Variants in ELP3 observed in about 807,000 individuals in gnomAD.
The protein encoded by ELP3 is elongator complex protein 3.
In ELP3, 56 loss-of-function variants were observed where a neutral mutation model predicts 74.9. That is an observed-to-expected ratio of 0.75 (90% CI 0.60 to 0.93). The LOEUF is 0.93. Among genes scored for constraint, ELP3 ranks in the 40% least tolerant of loss-of-function variants. ELP3 has a pLI of 0.00. For synonymous variants in ELP3, 222 were observed against 239.8 expected (o/e 0.93, Z 0.68); for missense variants, 573 against 686.5 (o/e 0.83, Z 1.85).
chr8:28,128,369 G>A (rs918638899), intron 7 of ELP3, among the ~76,000 whole-genome samples: 7 of 152,064 alleles, frequency 4.6e-5, no homozygotes, highest in Non-Finnish European at 8.8e-5. Flanking sequence ...CTAGCTACTC[G>A]GGAGGCTGAA....
At chr8:28,093,904 C>T (rs1699489101) in intron 1 of ELP3, among the ~76,000 whole-genome samples, 1 of 152,170 alleles carries the variant, frequency 6.6e-6, no homozygotes, top group African/African-American at 2.4e-5. Flanking sequence ...TTCCATTTTA[C>T]AGATGAAGAA....
chr8:28,132,828 G>A (rs991086438), intron 9 of ELP3, among the ~76,000 whole-genome samples: 2 of 152,044 alleles, frequency 1.3e-5, no homozygotes, highest in East Asian at 1.9e-4. Flanking sequence ...ACCCTTGCAA[G>A]TTTTTCAGAA....
At chr8:28,125,759 C>CTTTTTTTTTTTTTTTTTT (rs755484214) in intron 7 of ELP3, among the ~76,000 whole-genome samples, 6 of 92,180 alleles carry the variant, frequency 6.5e-5, no homozygotes, top group Non-Finnish European at 1.0e-4. Flanking sequence ...AGTCATTTCT[C>CTTTTTTTTTTTTTTTTTT]TTTTTTTTTT....
At chr8:28,115,902 T>TG (rs1812111798) in intron 7 of ELP3, among the ~76,000 whole-genome samples, 1 of 152,192 alleles carries the variant, frequency 6.6e-6, no homozygotes, top group African/African-American at 2.4e-5. Context: ...CTCTTTTATA[T>TG]GGGGTGAGGG....
intron 6 of ELP3, 29 bp downstream of exon 6, chr8:28,110,467 A>C (rs763090793): frequency 6.4e-7 from 1 of 1,566,306 alleles, no homozygotes; most frequent in African/African-American, 1.4e-5. Flanking sequence ...TGTTTCTTAA[A>C]AATTAGGTGT....
chr8:28,147,012 G>T lies in ELP3; in HGVS notation c.1101-8930G>T, dbSNP rs1238108973. ...GACCCATGCAGTCTCATAGGGTCTT[G>T]CACTTGGCTTAATATTCTGCTGTCA... On this transcript the variant is annotated intron_variant, in intron 10 of 14. Transcript: ENST00000256398. This position sits in a 1 kb window ranked among gnomAD's most constrained non-coding sequence, Gnocchi z 4.5. 6.6e-6 allele frequency among the ~76,000 whole-genome samples: 1 copy of T among 152,128 alleles called. No individual in the cohort carries two copies. The highest frequency in any genetic ancestry group is 1.5e-5 in the Non-Finnish European group (1 of 68,028).
chr8:28,151,145 C>A (rs181155899), intron 10 of ELP3, among the ~76,000 whole-genome samples: 116 of 152,286 alleles, frequency 7.6e-4, no homozygotes, highest in African/African-American at 2.7e-3. Context: ...TCTTTGTTGT[C>A]TTTGCTTTTC....
intron 7 of ELP3, among the ~76,000 whole-genome samples, chr8:28,123,133 GA>G (rs1812438973): frequency 6.6e-6 from 1 of 152,046 alleles, no homozygotes; most frequent in African/African-American, 2.4e-5. Flanking sequence ...CAAAAAAAGA[GA>G]AAAAAAGCTT....
At chr8:28,132,241 GT>G in intron 8 of ELP3, 36 bp from the exon 9 acceptor site, 2 of 1,611,624 alleles carry the variant, frequency 1.2e-6, no homozygotes, top group Non-Finnish European at 1.7e-6. Flanking sequence ...ACACAAATAG[GT>G]AGTGATTTTC....
rs201607631 is a variant in ELP3, at chr8:28,143,289, T to TC, written c.1100+5405dup. ...CTTTTTTGATCATGTGATTTTATAC[T>TC]CCCCCCCAACAGTCTGTAGAATATT... On this transcript the variant is annotated intron_variant, in intron 10 of 14. Coordinates refer to ENST00000256398, the MANE Select transcript of ELP3 (RefSeq NM_018091.6). 1.7e-3 allele frequency among the ~76,000 whole-genome samples: 253 copies of TC among 152,106 alleles called. 2 individuals carry two copies. The highest frequency in any genetic ancestry group is 5.7e-3 in the African/African-American group (236 of 41,494).
chr8:28,101,335 G>A (rs1018706381), intron 3 of ELP3, among the ~76,000 whole-genome samples: 103 of 152,138 alleles, frequency 6.8e-4, no homozygotes, highest in African/African-American at 2.3e-3. Context: ...CAGGAGAATG[G>A]TGTGAACCCG....
At chr8:28,125,997 T>G (rs749827760) in intron 7 of ELP3, among the ~76,000 whole-genome samples, 1 of 152,200 alleles carries the variant, frequency 6.6e-6, no homozygotes, top group Non-Finnish European at 1.5e-5. Flanking sequence ...CATTTATTCC[T>G]TCTTCAAATT....
chr8:28,099,335 C>G (rs913207497), intron 2 of ELP3, among the ~76,000 whole-genome samples: 20 of 151,890 alleles, frequency 1.3e-4, no homozygotes, highest in Middle Eastern at 6.8e-3. Flanking sequence ...GGGTGATTTC[C>G]TCCTCAGGAC....
chr8:28,138,544 C>CCA (rs1449465863), intron 10 of ELP3, among the ~76,000 whole-genome samples: 3 of 152,052 alleles, frequency 2.0e-5, no homozygotes, highest in Non-Finnish European at 4.4e-5. Context: ...AAGCCAATTC[C>CCA]CACACACACA....
At position 28,129,606 on chromosome 8, in the gene ELP3, C is replaced by G. The variant is rs1352949231; in HGVS notation, c.722C>G (p.Thr241Arg). The change falls in exon 8 of 15, where the codon ACA becomes AGA. Residue 241 changes from threonine to arginine, a missense_variant. Coordinates refer to ENST00000256398, the MANE Select transcript of ELP3 (RefSeq NM_018091.6). ...AGTGACATGTTGACCTATGGCTGCACAAGGCTGGAGATTGGGGTGCAGAGT... is the reference window on the plus strand; with the variant it reads ...AGTGACATGTTGACCTATGGCTGCAGAAGGCTGGAGATTGGGGTGCAGAGT... ...HLSDMLTYGC[T>R]RLEIGVQSVY... 6.2e-7 allele frequency: 1 copy of G among 1,614,136 alleles called. No individual in the cohort carries two copies. The highest frequency in any genetic ancestry group is 8.5e-7 in the Non-Finnish European group (1 of 1,179,970).
chr8:28,098,707 A>G (rs1225704636), intron 2 of ELP3, among the ~76,000 whole-genome samples: 2 of 152,202 alleles, frequency 1.3e-5, no homozygotes, highest in Non-Finnish European at 2.9e-5. Flanking sequence ...GTACCTTTAC[A>G]TTGAAAATCT....
At chr8:28,129,270 T>TGGTCGCC in intron 7 of ELP3, 8 of 485,464 alleles carry the variant, frequency 1.6e-5, no homozygotes, top group South Asian at 5.6e-5. Context: ...GTGTAGATAG[T>TGGTCGCC]GTATTATCCT....
chr8:28,117,369 A>G (rs560294895), intron 7 of ELP3, among the ~76,000 whole-genome samples: 13 of 152,218 alleles, frequency 8.5e-5, no homozygotes, highest in Non-Finnish European at 7.4e-5. Flanking sequence ...TAAGTTTTCC[A>G]TCATTGGGTT....
chr8:28,103,157 G>A (rs1233139049), intron 3 of ELP3, among the ~76,000 whole-genome samples: 2 of 151,510 alleles, frequency 1.3e-5, no homozygotes, highest in East Asian at 1.9e-4. Context: ...GTGACAGAGC[G>A]AGATTCTGTC....
Sources: allele counts gnomAD v4.1 joint callset (sites outside exome capture counted in the v4.1 genomes callset), GRCh38; gene constraint gnomAD v4.1.1; non-coding constraint Gnocchi (gnomAD v3.1); transcripts MANE v1.5; gene names NCBI Gene and HGNC (gene_info 2026-07-23, HGNC 2026-07-21).